The following FRAS1 variants were observed in gnomAD, a reference collection of about 807,000 sequenced individuals.
The protein encoded by FRAS1 is extracellular matrix organizing protein FRAS1.
Under a neutral mutation model 435.2 loss-of-function variants are expected in FRAS1, and 290 were observed. The ratio of observed to expected loss-of-function variants is 0.67; its 90% CI spans 0.61 to 0.73. FRAS1 has a LOEUF of 0.73. Among genes scored for constraint, FRAS1 ranks in the 30% least tolerant of loss-of-function variants. The pLI is 0.00. For missense variants in FRAS1, 4,860 were observed against 5,001.5 expected, an observed-to-expected ratio of 0.97 and a Z score of 0.85; for synonymous variants, 1,800 against 1,851.0, an observed-to-expected ratio of 0.97 and a Z score of 0.71.
At chr4:78,064,149 T>G (rs1309290281) in intron 1 of FRAS1, among the ~76,000 whole-genome samples, 1 of 151,354 alleles carries the variant, frequency 6.6e-6, no homozygotes. Context: ...TTAAGAAGAA[T>G]TTTCCTTCAA....
intron 2 of FRAS1, among the ~76,000 whole-genome samples, chr4:78,140,710 C>CATAT (rs58553507): frequency 4.8e-5 from 4 of 82,978 alleles, no homozygotes; most frequent in African/African-American, 1.5e-4. Context: ...TATGCATATA[C>CATAT]GTGTGTGTAT....
intron 2 of FRAS1, among the ~76,000 whole-genome samples, chr4:78,112,426 A>T (rs1240679414): frequency 6.6e-6 from 1 of 152,026 alleles, no homozygotes; most frequent in Non-Finnish European, 1.5e-5. Context: ...TTATCTTGGT[A>T]GTTTGTGAGC....
At chr4:78,170,456 T>C (rs1721505015) in intron 2 of FRAS1, among the ~76,000 whole-genome samples, 1 of 152,188 alleles carries the variant, frequency 6.6e-6, no homozygotes, top group South Asian at 2.1e-4. Flanking sequence ...GTCTTGTTAA[T>C]TAGCTCTTGT....
intron 29 of FRAS1, among the ~76,000 whole-genome samples, chr4:78,390,330 C>T (rs1215655985): frequency 6.6e-6 from 1 of 152,136 alleles, no homozygotes; most frequent in Non-Finnish European, 1.5e-5. Flanking sequence ...TCTTCATGAT[C>T]ACTCTGTGAT....
chr4:78,492,164 A>AG (rs1560410974), intron 59 of FRAS1, among the ~76,000 whole-genome samples: 1 of 151,662 alleles, frequency 6.6e-6, no homozygotes, highest in African/African-American at 2.4e-5. Context: ...ACAAATGGAA[A>AG]AATATTCCAT....
intron 59 of FRAS1, among the ~76,000 whole-genome samples, chr4:78,491,010 C>G (rs1238478863): frequency 6.6e-6 from 1 of 152,152 alleles, no homozygotes; most frequent in African/African-American, 2.4e-5. Context: ...AAACTACCAT[C>G]AAAGAATACT....
chr4:78,104,749 G>T (rs1341540612), intron 2 of FRAS1, among the ~76,000 whole-genome samples: 1 of 152,178 alleles, frequency 6.6e-6, no homozygotes, highest in Non-Finnish European at 1.5e-5. Flanking sequence ...AGTCATCTTA[G>T]AAGAACTTTC....
intron 22 of FRAS1, among the ~76,000 whole-genome samples, chr4:78,367,980 A>G (rs1014107647): frequency 2.8e-4 from 43 of 152,296 alleles, no homozygotes; most frequent in African/African-American, 1.0e-3. Flanking sequence ...ATTTTTATCA[A>G]TTATAAAGAT....
At chr4:78,363,476 C>A (rs542849848) in intron 20 of FRAS1, 37 bp from the exon 21 acceptor site, 52 of 1,575,236 alleles carry the variant, frequency 3.3e-5, no homozygotes, top group Non-Finnish European at 4.2e-5. Flanking sequence ...TGCTCATGAG[C>A]ACCCGTGCCT....
chr4:78,487,529 G>T (rs545685436), intron 58 of FRAS1, among the ~76,000 whole-genome samples: 62 of 152,238 alleles, frequency 4.1e-4, no homozygotes, highest in Non-Finnish European at 7.4e-4. Context: ...GACCCAGGAG[G>T]CTTTGACATA....
intron 2 of FRAS1, among the ~76,000 whole-genome samples, chr4:78,179,608 G>A (rs1232617672): frequency 6.6e-6 from 1 of 152,122 alleles, no homozygotes; most frequent in East Asian, 1.9e-4. Context: ...ATCCAAAGAA[G>A]GTGAATAAAG....
At chr4:78,212,589 T>C (rs1042512769) in intron 2 of FRAS1, among the ~76,000 whole-genome samples, 2 of 152,238 alleles carry the variant, frequency 1.3e-5, no homozygotes, top group African/African-American at 4.8e-5. Flanking sequence ...TAGAAATGTC[T>C]CCATAAATGC....
At position 78,464,590 on chromosome 4, in the gene FRAS1, G is replaced by A. The variant is rs183687186; in HGVS notation, c.7029+7G>A. On this transcript the variant is annotated splice_region_variant and intron_variant, in intron 49 of 73. Transcript: ENST00000512123. The stretch of plus-strand genomic sequence containing the variant: ...GGTGGATGCTGACACAGAGGTAAGA[G>A]CACTTCTTCCCATGGGTTCTCTGGC... 2.7e-4 allele frequency: 434 copies of A among 1,613,396 alleles called. 4 individuals carry two copies. In the African/African-American group the frequency reaches 4.8e-3, roughly 18 times the overall value.
At position 78,324,467 on chromosome 4, in the gene FRAS1, C is replaced by T. The variant is rs538844192; in HGVS notation, c.2137+5481C>T. Among the ~76,000 whole-genome samples the T allele has an allele frequency of 1.3e-5, 2 of 152,232 alleles. 1 individual carries two copies. The highest frequency in any genetic ancestry group is 4.1e-4 in the South Asian group (2 of 4,832). ...GACAGTTGTTTATATAACACACACA[C>T]ACGAACACACATACATGTGGGTATA... On this transcript the variant is annotated intron_variant, in intron 18 of 73. Coordinates refer to ENST00000512123, the MANE Select transcript of FRAS1 (RefSeq NM_025074.7).
In FRAS1 at chr4:78,489,052, C is replaced by T; in HGVS notation, c.8930C>T (p.Ser2977Leu). ...DFEERQNADS[S>L]RITFLKGDKV... ...GAGGAGAGACAAAATGCAGACTCTT[C>T]ACGGATTACATTTCTCAAAGGGGAC... The change falls in exon 59 of 74, where the codon TCA becomes TTA. Residue 2977 changes from serine to leucine, a missense_variant. By Grantham distance (145) the Ser-to-Leu change is moderately radical (BLOSUM62 -2). Transcript: ENST00000512123. 3 of 1,613,316 alleles carry T rather than the reference C, an allele frequency of 1.9e-6. No individual in the cohort carries two copies. The highest frequency in any genetic ancestry group is 2.5e-6 in the Non-Finnish European group (3 of 1,179,662).
At chr4:78,409,864 T>G (rs1733264645) in intron 31 of FRAS1, among the ~76,000 whole-genome samples, 1 of 152,224 alleles carries the variant, frequency 6.6e-6, no homozygotes, top group Non-Finnish European at 1.5e-5. Context: ...CCATTCTGCT[T>G]CTGATGCCTG....
chr4:78,276,119 C>G lies in FRAS1; in HGVS notation c.982-2536C>G, dbSNP rs577276934. Among the ~76,000 whole-genome samples, 13 of 152,364 alleles carry G rather than the reference C, an allele frequency of 8.5e-5. 2 individuals carry two copies. The highest frequency in any genetic ancestry group is 3.1e-4 in the African/African-American group (13 of 41,584). ...CAGTTGATCAAATCAGCTACTGAAG[C>G]TTGTGCATTCATCACGTAGTTCTCA... is the stretch of plus-strand genomic sequence containing the variant. On this transcript the variant is annotated intron_variant, in intron 9 of 73. Transcript: ENST00000512123.
In FRAS1 at chr4:78,475,540, C is replaced by T. The variant is rs767584374; in HGVS notation, c.7785C>T (p.Thr2595=). The T allele has an allele frequency of 1.1e-5, 17 of 1,613,642 alleles. 1 individual carries two copies. Among genetic ancestry groups the T allele is most frequent in the South Asian group, 4.4e-5 (4 of 91,042 alleles). The change falls in exon 54 of 74, where the codon ACC becomes ACT. Residue 2595 remains threonine (T), a synonymous_variant. Transcript: ENST00000512123. ...AIVLCRTEQG[T]ASSSSRVSSQ... ...TCCTGTGTCGCACCGAGCAAGGCAC[C>T]GCCAGCTCCAGCTCCAGGGTCAGCT...
At chr4:78,369,759 A>G (rs1731423684) in intron 22 of FRAS1, 79 bp from the exon 23 acceptor site, 1 of 1,323,008 alleles carries the variant, frequency 7.6e-7, no homozygotes, top group African/African-American at 1.5e-5. Context: ...GTTCCTATGC[A>G]ACATCTGTCT....
Sources: allele counts gnomAD v4.1 joint callset (sites outside exome capture counted in the v4.1 genomes callset), GRCh38; gene constraint gnomAD v4.1.1; transcripts MANE v1.5; gene names NCBI Gene and HGNC (gene_info 2026-07-23, HGNC 2026-07-21).